Variants in FER observed in about 807,000 individuals in gnomAD.
The protein encoded by FER is tyrosine-protein kinase Fer.
A neutral mutation model predicts 111.0 loss-of-function variants in FER; 63 were observed. That is an observed-to-expected ratio of 0.57 (90% CI 0.46 to 0.70). The LOEUF is 0.70. Ranked by LOEUF, FER falls within the 30% of genes least tolerant of loss-of-function variation. The pLI, the probability that FER is intolerant of heterozygous loss-of-function variation, is 0.00. For missense variants in FER, 914 were observed against 954.0 expected, an observed-to-expected ratio of 0.96 and a Z score of 0.55; for synonymous variants, 327 against 313.9, an observed-to-expected ratio of 1.04 and a Z score of -0.44.
At chr5:108,865,142 T>C (rs2150227657) in intron 5 of FER, among the ~76,000 whole-genome samples, 1 of 152,312 alleles carries the variant, frequency 6.6e-6, no homozygotes, top group South Asian at 2.1e-4. Context: ...AGTTCACTCA[T>C]GATTTGGCTC....
At chr5:109,031,828 T>G (rs1042846998) in intron 13 of FER, among the ~76,000 whole-genome samples, 1 of 152,198 alleles carries the variant, frequency 6.6e-6, no homozygotes, top group African/African-American at 2.4e-5. Flanking sequence ...GGCTTCCTTT[T>G]CCTCTGAAAT....
Position 108,867,988 on chromosome 5 carries a change from C to T in FER, c.665+38C>T, listed in dbSNP as rs750826492. On this transcript the variant is annotated intron_variant, in intron 6 of 19. Coordinates refer to ENST00000281092, the MANE Select transcript of FER (RefSeq NM_005246.4). ...TTCTTTTTATCATAAAATCCCTTCA[C>T]AAAATGATTTCAACATATTTTCTCT... 3.2e-6 allele frequency: 5 copies of T among 1,563,668 alleles called. No homozygotes were observed. In the South Asian group the frequency reaches 4.6e-5, roughly 14 times the overall value.
intron 2 of FER, among the ~76,000 whole-genome samples, chr5:108,777,468 C>T (rs552597524): frequency 6.6e-6 from 1 of 152,152 alleles, no homozygotes; most frequent in East Asian, 1.9e-4. Flanking sequence ...TTAGGGTTCA[C>T]TCTTGGCATT....
At chr5:109,033,199 A>G (rs56083128) in intron 13 of FER, among the ~76,000 whole-genome samples, 2 of 152,146 alleles carry the variant, frequency 1.3e-5, no homozygotes, top group South Asian at 4.1e-4. Context: ...AGAGACTAAG[A>G]GGCAGTCTGC....
rs935864621 is a variant in FER, at chr5:108,926,189, A to T, written c.1237-19941A>T. ...TTTTTTCTTTTATATTAGAATCTTCAATCTCTGATATATATTCTTTTATTA... is the reference window on the plus strand; with the variant it reads ...TTTTTTCTTTTATATTAGAATCTTCTATCTCTGATATATATTCTTTTATTA... On this transcript the variant is annotated intron_variant, in intron 10 of 19. Coordinates refer to ENST00000281092, the MANE Select transcript of FER (RefSeq NM_005246.4). Among the ~76,000 whole-genome samples the T allele has an allele frequency of 2.6e-5, 4 of 151,330 alleles. No homozygotes were observed. The South Asian group carries it at 8.3e-4, about 32-fold the overall frequency.
intron 17 of FER, among the ~76,000 whole-genome samples, chr5:109,130,988 T>C (rs1031164389): frequency 6.6e-6 from 1 of 152,186 alleles, no homozygotes; most frequent in Non-Finnish European, 1.5e-5. Flanking sequence ...TATACTCATC[T>C]CTTAAATTGT....
chr5:108,894,502 T>C (rs909800766), intron 9 of FER: 2 of 397,260 alleles, frequency 5.0e-6, no homozygotes, highest in Non-Finnish European at 9.9e-6. Context: ...TCTATGACAC[T>C]GATATTAGTT....
chr5:109,165,429 A>G (rs549304101), intron 17 of FER, among the ~76,000 whole-genome samples: 2 of 152,192 alleles, frequency 1.3e-5, no homozygotes, highest in Non-Finnish European at 2.9e-5. Context: ...CGCCAGAGGT[A>G]TTCCAAGAAG....
chr5:108,966,388 C>CTTT (rs34899054), intron 13 of FER, among the ~76,000 whole-genome samples: 2 of 124,952 alleles, frequency 1.6e-5, no homozygotes, highest in Admixed American at 8.1e-5. Context: ...TTTTTCTTTT[C>CTTT]TTTTTTTTTT....
chr5:108,943,207 C>T (rs976482124), intron 10 of FER, among the ~76,000 whole-genome samples: 3 of 152,100 alleles, frequency 2.0e-5, no homozygotes, highest in Non-Finnish European at 2.9e-5. Context: ...CCATGAAACT[C>T]TTCTCTGGGG....
Position 109,189,484 on chromosome 5 carries a change from C to T in FER, c.*1909C>T, listed in dbSNP as rs1394002852. On this transcript the variant is annotated 3_prime_UTR_variant, in exon 20 of 20. Transcript: ENST00000281092. The stretch of plus-strand genomic sequence containing the variant: ...GAAAAGTGACTTGTATCTAACATTT[C>T]AATCTCCTTGCAGATTTCATACATA... 1 of 152,126 alleles carries T rather than the reference C, an allele frequency of 6.6e-6. No individual in the cohort carries two copies. Among genetic ancestry groups the T allele is most frequent in the Admixed American group, 6.6e-5 (1 of 15,262 alleles). 9.4% of individuals were successfully genotyped at this position (152,126 alleles called of 1,614,324 possible). A position where few individuals can be genotyped will look rare whatever the true frequency, so the allele number is the denominator to read the frequency against.
intron 17 of FER, among the ~76,000 whole-genome samples, chr5:109,116,302 C>G (rs938897926): frequency 6.6e-6 from 1 of 151,900 alleles, no homozygotes; most frequent in Non-Finnish European, 1.5e-5. Flanking sequence ...AGTACTGACT[C>G]TAGACTTCAG....
chr5:108,809,153 A>T (rs1369897768), intron 3 of FER, among the ~76,000 whole-genome samples: 1 of 152,142 alleles, frequency 6.6e-6, no homozygotes, highest in Non-Finnish European at 1.5e-5. Context: ...AAGATTAGGG[A>T]AACTTTTTTT....
At chr5:108,956,955 A>C (rs1479240677) in intron 12 of FER, among the ~76,000 whole-genome samples, 2 of 151,616 alleles carry the variant, frequency 1.3e-5, no homozygotes, top group African/African-American at 4.8e-5. Context: ...GCTGTAAGTA[A>C]ATGAGTCAAC....
At chr5:108,978,682 T>C (rs1199613419) in intron 13 of FER, among the ~76,000 whole-genome samples, 2 of 152,214 alleles carry the variant, frequency 1.3e-5, no homozygotes, top group African/African-American at 4.8e-5. Context: ...TCAATAAATA[T>C]GCGTTGAGAG....
chr5:108,971,299 CAGAA>C (rs1760635743), intron 13 of FER, among the ~76,000 whole-genome samples: 2 of 140,800 alleles, frequency 1.4e-5, no homozygotes, highest in African/African-American at 5.3e-5. Flanking sequence ...AAAAAAAACC[CAGAA>C]AGAAAGAAAG....
chr5:108,879,693 TAAAAA>T lies in FER; in HGVS notation c.924-3698_924-3694del, dbSNP rs59305064. 5.6e-4 allele frequency among the ~76,000 whole-genome samples: 65 copies of T among 116,658 alleles called. 2 individuals are homozygous for T. The highest frequency in any genetic ancestry group is 2.5e-3 in the African/African-American group (64 of 26,008). 76.5% of individuals were successfully genotyped at this position (116,658 alleles called of 152,430 possible). ...TTCACCATATGTATTTTTTTTAGAT[TAAAAA>T]AAAATATATATATATATATATATAT... On this transcript the variant is annotated intron_variant, in intron 8 of 19. Coordinates refer to ENST00000281092, the MANE Select transcript of FER (RefSeq NM_005246.4).
intron 16 of FER, among the ~76,000 whole-genome samples, chr5:109,094,102 GTGTATTTGTGT>G (rs1747171695): frequency 6.6e-6 from 1 of 151,782 alleles, no homozygotes; most frequent in African/African-American, 2.4e-5. Flanking sequence ...CAATGTGCAT[GTGTATTTGTGT>G]GTAAATTTGT....
rs1195150840 is a variant in FER, at chr5:108,883,538, T to A, written c.1046+20T>A. 9 of 1,546,330 alleles carry A rather than the reference T, an allele frequency of 5.8e-6. No individual in the cohort carries two copies. Among genetic ancestry groups the A allele is most frequent in the Non-Finnish European group, 7.9e-6 (9 of 1,144,138 alleles). ...GTCTGAGTGAGTAAAAGAGAAACAA[T>A]TTGAAGGAAGAATGTTTAATTGTAA... On this transcript the variant is annotated intron_variant, in intron 9 of 19. Transcript: ENST00000281092.
Sources: gnomAD v4.1 joint callset for allele counts (sites outside exome capture counted in the v4.1 genomes callset) on GRCh38, gnomAD v4.1.1 for gene constraint, MANE v1.5 for transcripts, NCBI Gene and HGNC (gene_info 2026-07-23, HGNC 2026-07-21) for gene names.